Variants in GNG7 observed in about 807,000 individuals in gnomAD.
GNG7 encodes the protein guanine nucleotide-binding protein G(I)/G(S)/G(O) subunit gamma-7.
Under a neutral mutation model 4.0 loss-of-function variants are expected in GNG7, and 1 was observed. The ratio of observed to expected loss-of-function variants is 0.25; its 90% confidence interval spans 0.09 to 1.18. GNG7 has a LOEUF of 1.18. Ranked by LOEUF, GNG7 falls within the 50% of genes most tolerant of loss-of-function variation. The pLI is 0.50. For missense variants in GNG7, 86 were observed against 91.9 expected, an observed-to-expected ratio of 0.94 and a Z score of 0.26; for synonymous variants, 34 against 36.9, an observed-to-expected ratio of 0.92 and a Z score of 0.29.
intron 1 of GNG7, among the ~76,000 whole-genome samples, chr19:2,659,211 C>T (rs930239049): frequency 9.9e-5 from 15 of 151,790 alleles, no homozygotes; most frequent in Admixed American, 3.3e-4. Context: ...CCTCGTGATC[C>T]GCCCACCTTG....
At chr19:2,538,163 T>G (rs991073112) in intron 3 of GNG7, 9 of 456,500 alleles carry the variant, frequency 2.0e-5, no homozygotes, top group Non-Finnish European at 3.1e-5. Flanking sequence ...ATGCCATGGA[T>G]GGTAAACTGG....
chr19:2,584,501 G>A (rs961980822), intron 2 of GNG7, among the ~76,000 whole-genome samples: 1 of 150,828 alleles, frequency 6.6e-6, no homozygotes, highest in African/African-American at 2.4e-5. Flanking sequence ...GGAGGCTGAG[G>A]AGGGAGGATC....
At chr19:2,624,702 T>C (rs1599428053) in intron 2 of GNG7, among the ~76,000 whole-genome samples, 1 of 152,144 alleles carries the variant, frequency 6.6e-6, no homozygotes, top group African/African-American at 2.4e-5. Context: ...CGGCTATTCC[T>C]AGCAGCTCCT....
chr19:2,693,953 C>T (rs1215781192), intron 1 of GNG7, among the ~76,000 whole-genome samples: 3 of 150,724 alleles, frequency 2.0e-5, no homozygotes, highest in African/African-American at 4.9e-5. Context: ...ACCCATCACT[C>T]GACACAATAT....
In GNG7 at chr19:2,568,177, ACACACATG is replaced by A. The variant is rs1411790559; in HGVS notation, c.-77-12997_-77-12990del. The stretch of plus-strand genomic sequence containing the variant: ...CACATACACATACATACACACACAT[ACACACATG>A]CACATACACACACATATAGACATAC... On this transcript the variant is annotated intron_variant, in intron 2 of 4. Coordinates refer to ENST00000382159, the MANE Select transcript of GNG7 (RefSeq NM_052847.3). Among the ~76,000 whole-genome samples, 45 of 151,118 alleles carry A rather than the reference ACACACATG, an allele frequency of 3.0e-4. 2 individuals carry two copies. The highest frequency in any genetic ancestry group is 6.0e-4 in the Non-Finnish European group (41 of 67,940).
chr19:2,647,927 C>G (rs1403327853), intron 1 of GNG7, among the ~76,000 whole-genome samples: 1 of 147,354 alleles, frequency 6.8e-6, no homozygotes, highest in African/African-American at 2.5e-5. Context: ...ACTTGGGAGG[C>G]TGAGGCAGGA....
chr19:2,688,410 G>C (rs1913051701), intron 1 of GNG7, among the ~76,000 whole-genome samples: 1 of 152,220 alleles, frequency 6.6e-6, no homozygotes, highest in African/African-American at 2.4e-5. Flanking sequence ...TGGGCTGGGA[G>C]AACCAGGTTA....
At chr19:2,574,901 T>C (rs1980259843) in intron 2 of GNG7, among the ~76,000 whole-genome samples, 1 of 152,178 alleles carries the variant, frequency 6.6e-6, no homozygotes, top group African/African-American at 2.4e-5. Context: ...AGCCTCAGCG[T>C]CCTGCCTGTT....
chr19:2,545,787 C>G (rs533839528), intron 3 of GNG7, among the ~76,000 whole-genome samples: 46 of 151,552 alleles, frequency 3.0e-4, no homozygotes, highest in African/African-American at 1.1e-3. Context: ...AACCCCCTCT[C>G]TACTAAAAAT....
At chr19:2,575,727 G>A (rs1357176022) in intron 2 of GNG7, among the ~76,000 whole-genome samples, 2 of 55,722 alleles carry the variant, frequency 3.6e-5, no homozygotes, top group East Asian at 4.4e-4. Flanking sequence ...ACGCAGACAC[G>A]CAGGCACACG....
In GNG7 at chr19:2,514,765, T is replaced by C; in HGVS notation, c.*257A>G. The C allele has an allele frequency of 3.1e-6, 1 of 322,634 alleles. No individual in the cohort carries two copies. Among genetic ancestry groups the C allele is most frequent in the Admixed American group, 4.6e-5 (1 of 21,922 alleles). 20.0% of individuals were successfully genotyped at this position (322,634 alleles called of 1,614,324 possible). A position where few individuals can be genotyped will look rare whatever the true frequency, so the allele number is the denominator to read the frequency against. On this transcript the variant is annotated 3_prime_UTR_variant, in exon 5 of 5. Coordinates refer to ENST00000382159, the MANE Select transcript of GNG7 (RefSeq NM_052847.3). ...GTGGCCGTAAAGCCTCCATCCCTTT[T>C]GGCCCAAACTGAGAGGGCCATGGGG...
chr19:2,658,386 G>A (rs927969929), intron 1 of GNG7, among the ~76,000 whole-genome samples: 2 of 151,734 alleles, frequency 1.3e-5, no homozygotes, highest in Non-Finnish European at 2.9e-5. Context: ...AATGGAAAAG[G>A]CTTTTTAGCC....
intron 1 of GNG7, among the ~76,000 whole-genome samples, chr19:2,670,959 G>A (rs1983436919): frequency 6.6e-6 from 1 of 152,170 alleles, no homozygotes; most frequent in Admixed American, 6.5e-5. Context: ...AGTGGGGAGG[G>A]AGAGAGGGGG....
chr19:2,515,286 G>T, intron 4 of GNG7, 139 bp from the exon 5 acceptor site: 2 of 985,538 alleles, frequency 2.0e-6, no homozygotes, highest in Non-Finnish European at 3.0e-6. Context: ...CAAACAGTGC[G>T]GCCCGTCCAC....
intron 1 of GNG7, among the ~76,000 whole-genome samples, chr19:2,662,541 G>A (rs923234906): frequency 2.0e-5 from 3 of 151,948 alleles, no homozygotes; most frequent in Non-Finnish European, 2.9e-5. Flanking sequence ...AGCAGCTCTC[G>A]GAATTCAGGG....
rs1257664965 is a variant in GNG7, at chr19:2,652,200, A to G, written c.-134-5920T>C. 3.3e-5 allele frequency among the ~76,000 whole-genome samples: 5 copies of G among 152,062 alleles called. No individual in the cohort carries two copies. The East Asian group carries it at 9.7e-4, about 30-fold the overall frequency. On this transcript the variant is annotated intron_variant, in intron 1 of 4. Transcript: ENST00000382159. The stretch of plus-strand genomic sequence containing the variant: ...AAAAAAAAAAAATTAAAATATTCGC[A>G]TGCCATAAAATTCCCCCTTGTAGAA...
chr19:2,520,116 G>A (rs1164778829), intron 4 of GNG7, among the ~76,000 whole-genome samples: 1 of 152,236 alleles, frequency 6.6e-6, no homozygotes, highest in Non-Finnish European at 1.5e-5. Context: ...GGGAGGCAGA[G>A]GTTGCAGTGA....
At chr19:2,534,490 A>C (rs1050736514) in intron 3 of GNG7, among the ~76,000 whole-genome samples, 2 of 152,154 alleles carry the variant, frequency 1.3e-5, no homozygotes, top group Non-Finnish European at 2.9e-5. Flanking sequence ...CTCCAATCCC[A>C]TCAAAGAACT....
At chr19:2,638,491 A>G (rs1599434610) in intron 2 of GNG7, among the ~76,000 whole-genome samples, 2 of 17,004 alleles carry the variant, frequency 1.2e-4, no homozygotes, top group East Asian at 1.6e-3. Context: ...GGGGAAGGGG[A>G]GGGGAGGGGA....
Sources: gnomAD v4.1 joint callset for allele counts (sites outside exome capture counted in the v4.1 genomes callset) on GRCh38, gnomAD v4.1.1 for gene constraint, MANE v1.5 for transcripts, NCBI Gene and HGNC (gene_info 2026-07-23, HGNC 2026-07-21) for gene names.